Variants in ROCK1 observed in about 807,000 individuals in gnomAD.
ROCK1 encodes the protein rho-associated protein kinase 1.
A neutral mutation model predicts 196.8 loss-of-function variants in ROCK1; 36 were observed. The ratio of observed to expected loss-of-function variants is 0.18; its 90% CI spans 0.14 to 0.24. The LOEUF (loss-of-function observed/expected upper bound fraction) is 0.24, where lower values mean the gene tolerates loss of function less well. Among genes scored for constraint, ROCK1 ranks in the 10% least tolerant of loss-of-function variants. The pLI is 1.00. For missense variants in ROCK1, 920 were observed against 1,562.0 expected (o/e 0.59, Z 6.93); for synonymous variants, 443 against 515.9 (o/e 0.86, Z 1.91).
intron 29 of ROCK1, among the ~76,000 whole-genome samples, chr18:20,957,134 A>G (rs2035249875): frequency 6.6e-6 from 1 of 152,242 alleles, no homozygotes; most frequent in Non-Finnish European, 1.5e-5. Context: ...ACACAGATCT[A>G]CTTTATAACC....
intron 3 of ROCK1, 146 bp downstream of exon 3, chr18:21,049,634 C>T (rs2036188630): frequency 1.7e-6 from 1 of 589,066 alleles, no homozygotes; most frequent in Non-Finnish European, 2.9e-6. Flanking sequence ...TGACACTAGG[C>T]TTCCATACCC....
intron 22 of ROCK1, among the ~76,000 whole-genome samples, chr18:20,970,882 T>C (rs1287358124): frequency 1.3e-5 from 2 of 152,214 alleles, no homozygotes; most frequent in Non-Finnish European, 2.9e-5. Flanking sequence ...ACTTTATCTC[T>C]GTTTTATCAT....
chr18:20,962,912 G>A (rs986182416), intron 27 of ROCK1, among the ~76,000 whole-genome samples: 3 of 151,546 alleles, frequency 2.0e-5, no homozygotes, highest in Non-Finnish European at 2.9e-5. Flanking sequence ...CTTTCCTTAC[G>A]CCTACCATAG....
chr18:20,994,187 G>C (rs1321667993), intron 16 of ROCK1, among the ~76,000 whole-genome samples: 1 of 152,186 alleles, frequency 6.6e-6, no homozygotes, highest in African/African-American at 2.4e-5. Context: ...TCATGTAGGA[G>C]AAAGAAACAG....
chr18:21,084,608 A>C (rs562746351), intron 1 of ROCK1, among the ~76,000 whole-genome samples: 31 of 152,330 alleles, frequency 2.0e-4, no homozygotes, highest in Non-Finnish European at 3.5e-4. Context: ...GAAAAGAACA[A>C]GTGTTAGAAT....
intron 2 of ROCK1, among the ~76,000 whole-genome samples, chr18:21,067,740 T>G (rs1363304430): frequency 6.6e-6 from 1 of 152,246 alleles, no homozygotes; most frequent in African/African-American, 2.4e-5. Context: ...ATTTTGATGA[T>G]GTCCAGTTTA....
In ROCK1 at chr18:21,006,542, C is replaced by T. The variant is rs1220750285; in HGVS notation, c.1694G>A (p.Arg565Lys). The T allele has an allele frequency of 6.2e-7, 1 of 1,613,688 alleles. No individual in the cohort carries two copies. The highest frequency in any genetic ancestry group is 8.5e-7 in the Non-Finnish European group (1 of 1,179,950). Residue 565 changes from arginine to lysine, a missense_variant, in exon 16 of 33, where the codon AGG (arginine) becomes AAG (lysine). Around this residue, in one of 6 missense-constraint regions of ROCK1, gnomAD observed 520 missense variants for 657.1 expected, o/e 0.79. Coordinates refer to ENST00000399799, the MANE Select transcript of ROCK1 (RefSeq NM_005406.3). ...RTESDTAVRL[R>K]KSHTEMSKSI... ...CTTGCTCATCTCTGTGTGACTCTTCCTCAATCTTACAGCTGTGTCCGATTC... is the reference window on the plus strand; with the variant it reads ...CTTGCTCATCTCTGTGTGACTCTTCTTCAATCTTACAGCTGTGTCCGATTC...
intron 27 of ROCK1, among the ~76,000 whole-genome samples, chr18:20,962,100 C>T (rs1029217926): frequency 2.0e-5 from 3 of 152,090 alleles, no homozygotes; most frequent in Non-Finnish European, 4.4e-5. Context: ...TGTAATTCTG[C>T]ATTTTTCTGA....
At chr18:21,067,460 C>T (rs111534568) in intron 2 of ROCK1, among the ~76,000 whole-genome samples, 23,503 of 147,826 alleles carry the variant, frequency 0.16, 3,753 homozygotes, top group African/African-American at 0.41. Context: ...AATCTTGGCT[C>T]ACTGCAACCT....
chr18:20,969,773 G>T (rs989477508), intron 23 of ROCK1, among the ~76,000 whole-genome samples: 1 of 152,038 alleles, frequency 6.6e-6, no homozygotes, highest in African/African-American at 2.4e-5. Context: ...AGCCAACTTT[G>T]CCAAGACCAT....
intron 1 of ROCK1, among the ~76,000 whole-genome samples, chr18:21,085,269 C>T (rs1381311737): frequency 7.9e-6 from 1 of 127,122 alleles, no homozygotes; most frequent in Non-Finnish European, 1.6e-5. Flanking sequence ...CCTGTAATCC[C>T]AGCTACTCAG....
At chr18:21,050,192 T>G (rs28712007) in intron 2 of ROCK1, among the ~76,000 whole-genome samples, 1,543 of 152,198 alleles carry the variant, frequency 0.01, 20 homozygotes, top group African/African-American at 0.036. Flanking sequence ...AGCTAATTAG[T>G]TCCTGGTATT....
intron 32 of ROCK1, among the ~76,000 whole-genome samples, chr18:20,951,914 G>A (rs1014578506): frequency 7.2e-5 from 11 of 152,196 alleles, no homozygotes; most frequent in Non-Finnish European, 1.6e-4. Flanking sequence ...AGGGAAGGTG[G>A]TATGTGGTAG....
intron 9 of ROCK1, 62 bp from the exon 10 acceptor site, chr18:21,028,997 A>T: frequency 6.7e-7 from 1 of 1,483,980 alleles, no homozygotes; most frequent in Non-Finnish European, 9.2e-7. Context: ...AGTGAAGCAC[A>T]TTCCATACCA....
At chr18:21,035,484 ACT>A (rs2036049038) in intron 9 of ROCK1, among the ~76,000 whole-genome samples, 1 of 152,120 alleles carries the variant, frequency 6.6e-6, no homozygotes, top group South Asian at 2.1e-4. Context: ...ACACAGCAAG[ACT>A]CTGTCTCTAC....
chr18:20,998,807 T>A lies in ROCK1; in HGVS notation c.1886-5870A>T, dbSNP rs192227694. 8.5e-4 allele frequency among the ~76,000 whole-genome samples: 130 copies of A among 152,064 alleles called. 1 individual carries two copies. Among genetic ancestry groups the A allele is most frequent in the Admixed American group, 2.4e-3 (37 of 15,276 alleles). On this transcript the variant is annotated intron_variant, in intron 16 of 32. Transcript: ENST00000399799. ...TTAGTACAGATGGGGTTTCTCCATG[T>A]TGGCTAGGCCAGGCTGGTCTGGAAC...
intron 2 of ROCK1, among the ~76,000 whole-genome samples, chr18:21,052,168 C>T (rs549352601): frequency 3.3e-4 from 51 of 152,316 alleles, no homozygotes; most frequent in African/African-American, 1.2e-3. Flanking sequence ...GCCTTGGATT[C>T]TAGCTTGTTC....
chr18:21,032,464 G>A (rs1240042128), intron 9 of ROCK1, among the ~76,000 whole-genome samples: 1 of 149,910 alleles, frequency 6.7e-6, no homozygotes. Context: ...TATTAGCTGA[G>A]GAATAAAAAG....
At chr18:20,997,781 T>C (rs1355371375) in intron 16 of ROCK1, among the ~76,000 whole-genome samples, 1 of 151,862 alleles carries the variant, frequency 6.6e-6, no homozygotes, top group Non-Finnish European at 1.5e-5. Flanking sequence ...AATTATATCA[T>C]GTATCTATCT....
Sources: gnomAD v4.1 joint callset for allele counts (sites outside exome capture counted in the v4.1 genomes callset) on GRCh38, gnomAD v4.1.1 for gene constraint, gnomAD v4.1.1 regional missense constraint, MANE v1.5 for transcripts, NCBI Gene and HGNC (gene_info 2026-07-23, HGNC 2026-07-21) for gene names.